The following DRC11 variants were observed in gnomAD, a reference collection of about 807,000 sequenced individuals.
The protein encoded by DRC11 is IQ and AAA domain-containing protein 1.
the DRC11 span, among the ~76,000 whole-genome samples, chr2:236,391,731 GA>G: frequency 6.6e-6 from 1 of 152,180 alleles, no homozygotes; most frequent in Non-Finnish European, 1.5e-5. The surrounding 1 kb of genome is among the most constrained non-coding windows in gnomAD (Gnocchi z 4.5). Context: ...TGGGTAATAT[GA>G]ATCTGCAACT....
At chr2:236,325,831 G>C in the DRC11 span, among the ~76,000 whole-genome samples, 1 of 152,190 alleles carries the variant, frequency 6.6e-6, no homozygotes, top group Non-Finnish European at 1.5e-5. The surrounding 1 kb of genome is among the most constrained non-coding windows in gnomAD (Gnocchi z 4.4). Context: ...CTGAACTGCT[G>C]ACCTCAAGTG....
the DRC11 span, among the ~76,000 whole-genome samples, chr2:236,436,384 C>T: frequency 6.6e-6 from 1 of 152,046 alleles, no homozygotes; most frequent in African/African-American, 2.4e-5. Flanking sequence ...TGAGCAGATT[C>T]TCTTCATGTT....
chr2:236,449,238 T>C, the DRC11 span, among the ~76,000 whole-genome samples: 4 of 152,280 alleles, frequency 2.6e-5, no homozygotes, highest in African/African-American at 7.2e-5. This position sits in a 1 kb window ranked among gnomAD's most constrained non-coding sequence, Gnocchi z 5.1. Context: ...GTATGGGTAC[T>C]GGTTTCATTC....
At chr2:236,480,561 G>C in the DRC11 span, among the ~76,000 whole-genome samples, 1 of 152,022 alleles carries the variant, frequency 6.6e-6, no homozygotes, top group East Asian at 1.9e-4. Flanking sequence ...CCAGTTCCAG[G>C]ATTTGATTTT....
At chr2:236,439,997 G>T in the DRC11 span, among the ~76,000 whole-genome samples, 5 of 152,246 alleles carry the variant, frequency 3.3e-5, no homozygotes, top group Admixed American at 2.6e-4. Flanking sequence ...GCCCTCAGAA[G>T]GTTTATAATC....
chr2:236,438,956 T>C, the DRC11 span, among the ~76,000 whole-genome samples: 5 of 148,698 alleles, frequency 3.4e-5, no homozygotes, highest in African/African-American at 1.2e-4. Context: ...AACAACCTGC[T>C]CCTGAATGAC....
At chr2:236,403,434 T>C in the DRC11 span, among the ~76,000 whole-genome samples, 1 of 151,030 alleles carries the variant, frequency 6.6e-6, no homozygotes, top group East Asian at 2.0e-4. Context: ...GGAGTTGGCT[T>C]ATGAGCAGGG....
chr2:236,488,010 C>T, the DRC11 span: 32 of 1,582,590 alleles, frequency 2.0e-5, no homozygotes, highest in East Asian at 6.9e-5. Flanking sequence ...CTTCTGAATG[C>T]GGAGTGCAGC....
the DRC11 span, chr2:236,497,427 C>A: frequency 3.7e-6 from 6 of 1,613,812 alleles, no homozygotes; most frequent in Admixed American, 1.0e-4. This position sits in a 1 kb window ranked among gnomAD's most constrained non-coding sequence, Gnocchi z 5.1. Context: ...TCTTCTGAGG[C>A]TCTTTATCGA....
At chr2:236,408,244 C>G in the DRC11 span, 1 of 844,894 alleles carries the variant, frequency 1.2e-6, no homozygotes, top group South Asian at 1.3e-5. The surrounding 1 kb of genome is among the most constrained non-coding windows in gnomAD (Gnocchi z 5.5). Context: ...GATCTCAGTG[C>G]GGTGATGGTA....
At chr2:236,416,328 G>A in the DRC11 span, among the ~76,000 whole-genome samples, 3 of 152,074 alleles carry the variant, frequency 2.0e-5, no homozygotes, top group Admixed American at 1.3e-4. Flanking sequence ...GTGTAACCTC[G>A]CCTGTAGTGG....
the DRC11 span, among the ~76,000 whole-genome samples, chr2:236,309,957 G>C: frequency 4.1e-4 from 62 of 152,330 alleles, no homozygotes; most frequent in African/African-American, 1.5e-3. This position sits in a 1 kb window ranked among gnomAD's most constrained non-coding sequence, Gnocchi z 5.7. Context: ...GAGAAGAGCT[G>C]GTGCCAATCC....
the DRC11 span, among the ~76,000 whole-genome samples, chr2:236,459,646 TATATATGTATATACATACGTATATAC>T: frequency 1.8e-4 from 25 of 142,016 alleles, no homozygotes; most frequent in African/African-American, 6.7e-4. Context: ...CGTATATACG[TATATATGTATATACATACGTATATAC>T]GTATATATGT....
chr2:236,334,081 G>T, the DRC11 span, among the ~76,000 whole-genome samples: 3 of 152,286 alleles, frequency 2.0e-5, no homozygotes, highest in African/African-American at 7.2e-5. This position sits in a 1 kb window ranked among gnomAD's most constrained non-coding sequence, Gnocchi z 7.8. Context: ...TGCAGCAAGA[G>T]AGCTCTGTGA....
the DRC11 span, among the ~76,000 whole-genome samples, chr2:236,396,105 A>G: frequency 2.0e-5 from 3 of 151,968 alleles, no homozygotes; most frequent in Non-Finnish European, 4.4e-5. Flanking sequence ...TGCTTTTCTC[A>G]TGACACTTTT....
At chr2:236,364,367 G>C in the DRC11 span, among the ~76,000 whole-genome samples, 1 of 150,292 alleles carries the variant, frequency 6.7e-6, no homozygotes, top group African/African-American at 2.5e-5. Flanking sequence ...AGCTTGGGAA[G>C]AGGAATGTGG....
At chr2:236,487,103 C>T in the DRC11 span, among the ~76,000 whole-genome samples, 20 of 152,114 alleles carry the variant, frequency 1.3e-4, no homozygotes, top group Admixed American at 3.9e-4. Context: ...ACAGAACTAA[C>T]CTATAATTGT....
chr2:236,325,193 C>T, the DRC11 span, among the ~76,000 whole-genome samples: 2 of 152,092 alleles, frequency 1.3e-5, no homozygotes, highest in African/African-American at 2.4e-5. This position sits in a 1 kb window ranked among gnomAD's most constrained non-coding sequence, Gnocchi z 4.4. Context: ...GTTGAAACCA[C>T]GGTAGAAATA....
At chr2:236,331,257 T>G in the DRC11 span, 2 of 859,846 alleles carry the variant, frequency 2.3e-6, no homozygotes, top group African/African-American at 3.3e-5. The surrounding 1 kb of genome is among the most constrained non-coding windows in gnomAD (Gnocchi z 4.8). Flanking sequence ...TTTCACTGTA[T>G]ATGGCCGAGT....
Sources: allele counts gnomAD v4.1 joint callset (sites outside exome capture counted in the v4.1 genomes callset), GRCh38; gene constraint gnomAD v4.1.1; non-coding constraint Gnocchi (gnomAD v3.1); transcripts MANE v1.5; gene names NCBI Gene and HGNC (gene_info 2026-07-23, HGNC 2026-07-21).